The following PRKG2 variants were observed in gnomAD, a reference collection of about 807,000 sequenced individuals.
The protein encoded by PRKG2 is cGMP-dependent protein kinase 2.
PRKG2 carries 33 observed loss-of-function variants against 97.2 expected under a neutral mutation model. The observed-to-expected ratio is 0.34, with a 90% CI of 0.26 to 0.45. The LOEUF (loss-of-function observed/expected upper bound fraction) is 0.45, where lower values mean the gene tolerates loss of function less well. PRKG2 is among the 20% of genes least tolerant of loss of function. PRKG2 has a pLI of 1.00. For missense variants in PRKG2, 638 were observed against 900.0 expected (o/e 0.71, Z 3.73); for synonymous variants, 330 against 321.8 (o/e 1.03, Z -0.27).
intron 2 of PRKG2, among the ~76,000 whole-genome samples, chr4:81,203,855 G>T (rs1253089752): frequency 1.3e-5 from 2 of 152,074 alleles, no homozygotes; most frequent in East Asian, 3.9e-4. Flanking sequence ...TTCCTGCCTG[G>T]TTCATGCTCC....
At chr4:81,141,797 A>T (rs78977521) in intron 11 of PRKG2, among the ~76,000 whole-genome samples, 5 of 152,148 alleles carry the variant, frequency 3.3e-5, no homozygotes, top group African/African-American at 9.7e-5. Flanking sequence ...CACTGCAGAC[A>T]GGTATTATCT....
chr4:81,212,443 C>T (rs1754030292), intron 1 of PRKG2, among the ~76,000 whole-genome samples: 1 of 152,074 alleles, frequency 6.6e-6, no homozygotes, highest in African/African-American at 2.4e-5. Context: ...AAGATTATAG[C>T]TGACAGAATT....
At chr4:81,151,626 AG>A (rs2110057347) in intron 8 of PRKG2, among the ~76,000 whole-genome samples, 1 of 152,278 alleles carries the variant, frequency 6.6e-6, no homozygotes, top group South Asian at 2.1e-4. Flanking sequence ...ACTCTAAAGT[AG>A]GCAATATTTC....
intron 6 of PRKG2, among the ~76,000 whole-genome samples, chr4:81,154,497 C>A (rs1034252281): frequency 1.5e-5 from 2 of 133,324 alleles, no homozygotes; most frequent in Non-Finnish European, 3.0e-5. Flanking sequence ...AGGCACCCCC[C>A]AGCAGGGGCA....
intron 17 of PRKG2, among the ~76,000 whole-genome samples, chr4:81,095,138 T>G (rs1487089651): frequency 6.6e-6 from 1 of 152,148 alleles, no homozygotes. Flanking sequence ...GGATTTCCTA[T>G]TACAAGTCTA....
chr4:81,174,608 T>G (rs1750762904), intron 3 of PRKG2, among the ~76,000 whole-genome samples, 185 bp downstream of exon 3: 1 of 152,076 alleles, frequency 6.6e-6, no homozygotes, highest in South Asian at 2.1e-4. Flanking sequence ...CAGCACATAT[T>G]AAATATTACC....
At position 81,105,856 on chromosome 4, in the gene PRKG2, T is replaced by G; in HGVS notation, c.2020A>C (p.Lys674Gln). 6.2e-7 allele frequency: 1 copy of G among 1,613,910 alleles called. No homozygotes were observed. Among genetic ancestry groups the G allele is most frequent in the Non-Finnish European group, 8.5e-7 (1 of 1,179,844 alleles). ...KGIEKMDFPRKITRRPEDLIR... is the reference protein window; with the variant it reads ...KGIEKMDFPRQITRRPEDLIR... ...AAATCCTCAGGTCGTCGTGTTATCT[T>G]CCTGGGAAAATCCATTTTTTCAATT... Residue 674 changes from lysine to glutamine, a missense_variant, in exon 16 of 19, where the codon AAG becomes CAG. By Grantham distance (53) the Lys-to-Gln change is moderately conservative (BLOSUM62 1). Transcript: ENST00000264399.
chr4:81,092,740 A>C (rs1279357602), intron 17 of PRKG2, among the ~76,000 whole-genome samples: 1 of 152,158 alleles, frequency 6.6e-6, no homozygotes. Context: ...TCTGAACAGA[A>C]GCTTAAAATG....
chr4:81,134,930 T>TGAAC (rs1164009644), intron 14 of PRKG2, among the ~76,000 whole-genome samples: 1 of 152,204 alleles, frequency 6.6e-6, no homozygotes, highest in East Asian at 1.9e-4. Flanking sequence ...TTCTATTATG[T>TGAAC]GAACCTTCAG....
At chr4:81,134,068 T>C (rs1461783488) in intron 14 of PRKG2, among the ~76,000 whole-genome samples, 1 of 152,200 alleles carries the variant, frequency 6.6e-6, no homozygotes, top group Non-Finnish European at 1.5e-5. Context: ...CTATCTTTCA[T>C]GGATAAAATA....
At chr4:81,094,990 G>A (rs542336700) in intron 17 of PRKG2, among the ~76,000 whole-genome samples, 6 of 152,248 alleles carry the variant, frequency 3.9e-5, no homozygotes, top group South Asian at 2.1e-4. Context: ...ATGGTGATGC[G>A]TCCCTGTGAT....
chr4:81,204,161 T>C (rs144611831), intron 2 of PRKG2, among the ~76,000 whole-genome samples: 214 of 152,214 alleles, frequency 1.4e-3, no homozygotes, highest in Admixed American at 2.9e-3. Flanking sequence ...GAATTCATCT[T>C]TGAGGCTCCA....
intron 12 of PRKG2, among the ~76,000 whole-genome samples, chr4:81,137,995 A>G (rs778371165): frequency 2.6e-5 from 4 of 152,174 alleles, no homozygotes; most frequent in Non-Finnish European, 4.4e-5. Flanking sequence ...GGGGAGTGCA[A>G]TTGGAAACAA....
At chr4:81,212,558 G>T (rs1047217664) in intron 1 of PRKG2, among the ~76,000 whole-genome samples, 2 of 152,182 alleles carry the variant, frequency 1.3e-5, no homozygotes, top group Non-Finnish European at 2.9e-5. Context: ...AGATTTGAGG[G>T]ATAGGACAGT....
intron 15 of PRKG2, among the ~76,000 whole-genome samples, chr4:81,109,332 C>T (rs1743676344): frequency 6.6e-6 from 1 of 152,190 alleles, no homozygotes; most frequent in South Asian, 2.1e-4. Context: ...CCAATAGACT[C>T]GTTCTAGTAT....
intron 6 of PRKG2, among the ~76,000 whole-genome samples, chr4:81,157,191 A>T (rs1319022980): frequency 1.3e-5 from 2 of 152,232 alleles, no homozygotes; most frequent in Non-Finnish European, 2.9e-5. Flanking sequence ...AGCAAGATTA[A>T]TAAAGAAAAA....
At chr4:81,175,725 C>G (rs1162524687) in intron 2 of PRKG2, 1 of 152,186 alleles carries the variant, frequency 6.6e-6, no homozygotes, top group Admixed American at 6.5e-5. Context: ...CCAAGTTCTA[C>G]TTGCTGATAA....
chr4:81,099,014 T>C (rs1042838459), intron 17 of PRKG2, among the ~76,000 whole-genome samples: 2 of 152,180 alleles, frequency 1.3e-5, no homozygotes, highest in African/African-American at 4.8e-5. Flanking sequence ...AAGGTATGCC[T>C]GAACCTGAAA....
intron 1 of PRKG2, among the ~76,000 whole-genome samples, chr4:81,212,228 C>T (rs750977388): frequency 1.3e-5 from 2 of 152,104 alleles, no homozygotes; most frequent in Non-Finnish European, 2.9e-5. Flanking sequence ...AATCATATGA[C>T]CTTGTTGTAC....
Sources: gnomAD v4.1 joint callset for allele counts (sites outside exome capture counted in the v4.1 genomes callset) on GRCh38, gnomAD v4.1.1 for gene constraint, MANE v1.5 for transcripts, NCBI Gene and HGNC (gene_info 2026-07-23, HGNC 2026-07-21) for gene names.